Variants in ZNF320 observed in about 807,000 individuals in gnomAD.
The protein encoded by ZNF320 is zinc finger protein 320.
Under a neutral mutation model 6.8 loss-of-function variants are expected in ZNF320, and 2 were observed. That is an observed-to-expected ratio of 0.29 (90% CI 0.12 to 0.93). The LOEUF is 0.93. Ranked by LOEUF, ZNF320 falls within the 40% of genes least tolerant of loss-of-function variation. The pLI is 0.55. For missense variants in ZNF320, 472 were observed against 611.0 expected (o/e 0.77, Z 2.40); for synonymous variants, 208 against 203.2 (o/e 1.02, Z -0.20).
intron 5 of ZNF320, among the ~76,000 whole-genome samples, chr19:52,887,310 T>C (rs995885926): frequency 1.3e-5 from 2 of 152,332 alleles, no homozygotes; most frequent in African/African-American, 2.4e-5. Flanking sequence ...AACATGGAGA[T>C]AACAGGTCAG....
At chr19:52,865,387 T>A in intron 5 of ZNF320, 1 of 311,212 alleles carries the variant, frequency 3.2e-6, no homozygotes, top group Non-Finnish European at 6.3e-6. Context: ...CCTGTAGTTC[T>A]CCCAAATCAC....
intron 5 of ZNF320, among the ~76,000 whole-genome samples, chr19:52,887,146 GA>G (rs1853729060): frequency 6.6e-6 from 1 of 151,844 alleles, no homozygotes; most frequent in African/African-American, 2.4e-5. Context: ...CCCACTTGCA[GA>G]GAGTTTCCCC....
downstream of ZNF320, among the ~76,000 whole-genome samples, chr19:52,871,349 C>T (rs980579072): frequency 6.6e-6 from 1 of 152,012 alleles, no homozygotes; most frequent in Non-Finnish European, 1.5e-5. Context: ...GAAACCCCAT[C>T]TCTACCAAAA....
At chr19:52,885,056 G>A (rs2064032568) in intron 5 of ZNF320, among the ~76,000 whole-genome samples, 2 of 151,946 alleles carry the variant, frequency 1.3e-5, no homozygotes, top group South Asian at 4.2e-4. Context: ...AAAAAAATTA[G>A]CCTGGCATGT....
At chr19:52,866,971 A>G (rs2063586976) in intron 5 of ZNF320, among the ~76,000 whole-genome samples, 1 of 152,062 alleles carries the variant, frequency 6.6e-6, no homozygotes, top group African/African-American at 2.4e-5. Flanking sequence ...CAATACGGCA[A>G]TTCTATATAC....
At chr19:52,885,974 ATAAC>A (rs2064064721) in intron 5 of ZNF320, among the ~76,000 whole-genome samples, 1 of 152,168 alleles carries the variant, frequency 6.6e-6, no homozygotes, top group Non-Finnish European at 1.5e-5. Flanking sequence ...CCTTTTCTTC[ATAAC>A]TAAACTTTTT....
upstream of ZNF320, among the ~76,000 whole-genome samples, chr19:52,902,693 T>C (rs2064575149): frequency 6.6e-6 from 1 of 152,248 alleles, no homozygotes; most frequent in Non-Finnish European, 1.5e-5. Context: ...TTTACTTTTA[T>C]ATTAGTGTGT....
At chr19:52,866,869 CAAAAAAAA>C (rs58231328) in intron 5 of ZNF320, among the ~76,000 whole-genome samples, 7 of 108,920 alleles carry the variant, frequency 6.4e-5, no homozygotes, top group Admixed American at 1.1e-4. Flanking sequence ...ACAAAACATA[CAAAAAAAA>C]AAAAAAAAAA....
upstream of ZNF320, among the ~76,000 whole-genome samples, chr19:52,898,240 T>G (rs2064531079): frequency 6.6e-6 from 1 of 152,180 alleles, no homozygotes; most frequent in Non-Finnish European, 1.5e-5. Context: ...CACCCTGTGC[T>G]CAGCTCCAGA....
downstream of ZNF320, among the ~76,000 whole-genome samples, chr19:52,873,464 CAT>C (rs1270898665): frequency 3.3e-5 from 5 of 152,238 alleles, no homozygotes; most frequent in African/African-American, 7.2e-5. Context: ...CAACACAGCA[CAT>C]GTTTCTGTGA....
intron 5 of ZNF320, 140 bp from the exon 6 acceptor site, chr19:52,882,123 A>C (rs765967284): frequency 4.7e-6 from 4 of 857,482 alleles, no homozygotes; most frequent in Non-Finnish European, 6.9e-6. Context: ...AACACAAAAC[A>C]AGTAAGATTC....
At chr19:52,886,584 C>T (rs1396090338) in intron 5 of ZNF320, among the ~76,000 whole-genome samples, 1 of 152,208 alleles carries the variant, frequency 6.6e-6, no homozygotes, top group Non-Finnish European at 1.5e-5. Flanking sequence ...TATATTCACA[C>T]TGGAATCATG....
chr19:52,862,307 G>A (rs2063490907), exon 6 of ZNF320: 17 of 555,796 alleles, frequency 3.1e-5, no homozygotes, highest in South Asian at 2.3e-4. Flanking sequence ...GTCCTGCAAG[G>A]TGTGAATCAC....
At chr19:52,895,253 T>C (rs531604996) in intron 1 of ZNF320, 2 of 151,828 alleles carry the variant, frequency 1.3e-5, no homozygotes, top group African/African-American at 4.8e-5. Flanking sequence ...TCACCTGAGG[T>C]TGGGAGTTTG....
intron 2 of ZNF320, among the ~76,000 whole-genome samples, chr19:52,892,834 C>T (rs1009783243): frequency 3.3e-5 from 5 of 151,428 alleles, no homozygotes; most frequent in African/African-American, 1.2e-4. Flanking sequence ...TCCTTGCCAC[C>T]AGCACCACTC....
chr19:52,883,652 C>A (rs1488868688), intron 5 of ZNF320: 1 of 454,610 alleles, frequency 2.2e-6, no homozygotes. Context: ...GTAATCCCAG[C>A]ATTTTGGTAG....
At chr19:52,890,415 C>T in intron 3 of ZNF320, 87 bp from the exon 4 acceptor site, 2 of 1,114,722 alleles carry the variant, frequency 1.8e-6, no homozygotes, top group Non-Finnish European at 2.5e-6. Context: ...GAGGCCTCAC[C>T]CTGGGAAATA....
chr19:52,862,461 A>G, exon 6 of ZNF320: 1 of 386,246 alleles, frequency 2.6e-6, no homozygotes, highest in Non-Finnish European at 5.3e-6. Flanking sequence ...ACTGCAAGGT[A>G]TGAATGATGA....
intron 5 of ZNF320, 127 bp downstream of exon 5, chr19:52,888,000 C>T: frequency 6.9e-7 from 1 of 1,451,064 alleles, no homozygotes. Flanking sequence ...CATCATGAAG[C>T]TTTTCATTTC....
Sources: gnomAD v4.1 joint callset for allele counts (sites outside exome capture counted in the v4.1 genomes callset) on GRCh38, gnomAD v4.1.1 for gene constraint, MANE v1.5 for transcripts, NCBI Gene and HGNC (gene_info 2026-07-23, HGNC 2026-07-21) for gene names.